GRM8: variants seen among roughly 807,000 people sequenced by gnomAD.
The protein encoded by GRM8 is glutamate metabotropic receptor 8.
A neutral mutation model predicts 87.2 loss-of-function variants in GRM8; 47 were observed. The observed-to-expected ratio is 0.54, with a 90% CI of 0.43 to 0.69. The LOEUF is 0.69. Ranked by LOEUF, GRM8 falls within the 30% of genes least tolerant of loss-of-function variation. The probability of loss-of-function intolerance (pLI) is 0.00; values close to 1 mark genes in which losing one functional copy is unlikely to be tolerated. For synonymous variants in GRM8, 396 were observed against 404.5 expected (o/e 0.98, Z 0.25); for missense variants, 1,019 against 1,139.2 (o/e 0.89, Z 1.52).
intron 6 of GRM8, among the ~76,000 whole-genome samples, chr7:126,887,491 T>C: frequency 6.6e-6 from 1 of 151,916 alleles, no homozygotes; most frequent in Non-Finnish European, 1.5e-5. Flanking sequence ...AGAAGGGAGA[T>C]ATTGAGAACA....
At chr7:126,819,574 C>A (rs899410229) in intron 6 of GRM8, among the ~76,000 whole-genome samples, 3 of 151,890 alleles carry the variant, frequency 2.0e-5, no homozygotes, top group Admixed American at 1.3e-4. Context: ...AATAAATATT[C>A]AATAAATAAA....
chr7:126,606,702 C>G (rs1478716084), intron 8 of GRM8, among the ~76,000 whole-genome samples: 1 of 152,160 alleles, frequency 6.6e-6, no homozygotes, highest in Non-Finnish European at 1.5e-5. Flanking sequence ...TTCGGTAAAA[C>G]CCGCAACGCT....
chr7:127,059,518 G>A (rs1245775928), intron 3 of GRM8, among the ~76,000 whole-genome samples: 4 of 151,858 alleles, frequency 2.6e-5, no homozygotes, highest in African/African-American at 4.8e-5. Flanking sequence ...TGTATTTTTA[G>A]TAGAGACCAG....
intron 8 of GRM8, among the ~76,000 whole-genome samples, chr7:126,585,241 A>T (rs1236493991): frequency 6.6e-6 from 1 of 152,200 alleles, no homozygotes; most frequent in African/African-American, 2.4e-5. Context: ...ACTGTAGCAA[A>T]TTCCTAATTC....
intron 8 of GRM8, among the ~76,000 whole-genome samples, chr7:126,596,140 A>G (rs1797168379): frequency 6.6e-6 from 1 of 152,112 alleles, no homozygotes; most frequent in Non-Finnish European, 1.5e-5. Context: ...AAACCCCAAA[A>G]ACCAAAACTA....
intron 3 of GRM8, among the ~76,000 whole-genome samples, chr7:127,031,813 T>C (rs777620381): frequency 3.3e-5 from 5 of 152,158 alleles, no homozygotes; most frequent in Admixed American, 6.6e-5. Context: ...CATCTTCAGA[T>C]TCTTCTTAAG....
chr7:126,923,322 A>G (rs1804735516), intron 3 of GRM8, among the ~76,000 whole-genome samples: 1 of 152,170 alleles, frequency 6.6e-6, no homozygotes, highest in Non-Finnish European at 1.5e-5. Flanking sequence ...GGTTTAAAGC[A>G]TCTGCTTTTC....
chr7:126,669,376 T>C (rs1290288051), intron 7 of GRM8, among the ~76,000 whole-genome samples: 1 of 151,962 alleles, frequency 6.6e-6, no homozygotes, highest in Non-Finnish European at 1.5e-5. Context: ...AAAAAAGCTG[T>C]AATTAATTTG....
intron 2 of GRM8, among the ~76,000 whole-genome samples, chr7:127,167,133 G>T (rs996329599): frequency 7.9e-5 from 12 of 152,016 alleles, no homozygotes; most frequent in African/African-American, 2.9e-4. Flanking sequence ...GGGGCAATCT[G>T]CAGGCAAAAA....
chr7:126,589,851 A>AC (rs1334895231), intron 8 of GRM8, among the ~76,000 whole-genome samples: 1 of 152,094 alleles, frequency 6.6e-6, no homozygotes, highest in Admixed American at 6.5e-5. Flanking sequence ...TCAAGGGAGC[A>AC]CCCCATGGGA....
At chr7:126,445,532 G>C (rs1420904694) in intron 10 of GRM8, 1 of 152,336 alleles carries the variant, frequency 6.6e-6, no homozygotes, top group Admixed American at 6.6e-5. Context: ...GGATCATGAG[G>C]CTTTTAAAGA....
At chr7:126,635,964 G>C (rs957720924) in intron 7 of GRM8, among the ~76,000 whole-genome samples, 6 of 152,030 alleles carry the variant, frequency 3.9e-5, no homozygotes, top group African/African-American at 1.4e-4. Flanking sequence ...CTAGAAAGTT[G>C]ATATTACAGG....
chr7:126,803,043 C>A (rs576954995), intron 6 of GRM8, among the ~76,000 whole-genome samples: 1 of 152,240 alleles, frequency 6.6e-6, no homozygotes, highest in African/African-American at 2.4e-5. Flanking sequence ...AGAGGCAGGT[C>A]AAAGAGATCA....
intron 6 of GRM8, among the ~76,000 whole-genome samples, chr7:126,861,722 T>G (rs924635503): frequency 6.6e-6 from 1 of 152,080 alleles, no homozygotes; most frequent in Non-Finnish European, 1.5e-5. Context: ...GTTCCCATTC[T>G]TGAGTTTTTA....
intron 2 of GRM8, among the ~76,000 whole-genome samples, chr7:127,114,858 G>C (rs1241675374): frequency 1.3e-5 from 2 of 152,130 alleles, no homozygotes; most frequent in Non-Finnish European, 2.9e-5. Flanking sequence ...ATGAGTCATA[G>C]AGGGAAAGAA....
chr7:127,100,219 C>T (rs772671939), intron 3 of GRM8, among the ~76,000 whole-genome samples: 5 of 152,156 alleles, frequency 3.3e-5, no homozygotes, highest in Non-Finnish European at 5.9e-5. Flanking sequence ...TCAAGGACCT[C>T]TCTTCATGTA....
At chr7:127,059,484 A>C (rs1432770763) in intron 3 of GRM8, among the ~76,000 whole-genome samples, 1 of 151,786 alleles carries the variant, frequency 6.6e-6, no homozygotes, top group Non-Finnish European at 1.5e-5. Context: ...TTACAGGTGC[A>C]CGCCACCACA....
chr7:126,755,684 C>T (rs889236547), intron 7 of GRM8, among the ~76,000 whole-genome samples: 1 of 151,756 alleles, frequency 6.6e-6, no homozygotes, highest in African/African-American at 2.4e-5. Context: ...AGTTGGTAAC[C>T]TTATACTGAT....
chr7:126,789,914 C>T lies in GRM8; in HGVS notation c.1157-19849G>A, dbSNP rs373752628. ...TCTTAATTTTTTCAGAGTTGAATCC[C>T]TAAACTGTTTTCCAACTGGCATGTT... is the stretch of plus-strand genomic sequence containing the variant. On this transcript the variant is annotated intron_variant, in intron 6 of 10. Transcript: ENST00000339582. 4.6e-5 allele frequency among the ~76,000 whole-genome samples: 7 copies of T among 152,248 alleles called. No homozygotes were observed. In the East Asian group the frequency reaches 1.2e-3, roughly 25 times the overall value.
Sources: allele counts gnomAD v4.1 joint callset (sites outside exome capture counted in the v4.1 genomes callset), GRCh38; gene constraint gnomAD v4.1.1; transcripts MANE v1.5; gene names NCBI Gene and HGNC (gene_info 2026-07-23, HGNC 2026-07-21).